GRIA4: variants seen among roughly 807,000 people sequenced by gnomAD.
GRIA4 encodes glutamate receptor 4.
GRIA4 carries 34 observed loss-of-function variants against 104.0 expected under a neutral mutation model. That is an observed-to-expected ratio of 0.33 (90% confidence interval 0.25 to 0.44). The LOEUF (loss-of-function observed/expected upper bound fraction) is 0.44. Ranked by LOEUF, GRIA4 falls within the 20% of genes least tolerant of loss-of-function variation. GRIA4 has a pLI of 1.00. For missense variants in GRIA4, 750 were observed against 1,096.5 expected, an observed-to-expected ratio of 0.68 and a Z score of 4.46; for synonymous variants, 386 against 381.9, an observed-to-expected ratio of 1.01 and a Z score of -0.13.
intron 4 of GRIA4, among the ~76,000 whole-genome samples, chr11:105,813,622 G>T (rs1943261786): frequency 6.6e-6 from 1 of 152,080 alleles, no homozygotes; most frequent in South Asian, 2.1e-4. Context: ...AAGAAATAAG[G>T]CTTTGAATAA....
At chr11:105,977,735 T>C (rs1255874836) in intron 16 of GRIA4, among the ~76,000 whole-genome samples, 4 of 152,072 alleles carry the variant, frequency 2.6e-5, no homozygotes, top group African/African-American at 9.6e-5. Flanking sequence ...CCTGCTTTGC[T>C]AATACTTCTT....
At chr11:105,797,236 G>C (rs1444811779) in intron 4 of GRIA4, among the ~76,000 whole-genome samples, 1 of 151,610 alleles carries the variant, frequency 6.6e-6, no homozygotes, top group South Asian at 2.1e-4. Context: ...TAAAACAAAT[G>C]AAAAGAAAGA....
intron 4 of GRIA4, among the ~76,000 whole-genome samples, chr11:105,782,276 T>C (rs1280912180): frequency 1.3e-5 from 2 of 152,224 alleles, no homozygotes; most frequent in Admixed American, 6.5e-5. Flanking sequence ...TTCTGAGTAA[T>C]GTGCAACCTA....
At position 105,933,900 on chromosome 11, in the gene GRIA4, C is replaced by T. The variant is rs879555209; in HGVS notation, c.2225C>T (p.Thr742Met). The change falls in exon 14 of 17, where the codon ACG becomes ATG. Residue 742 changes from threonine (T) to methionine (M), a missense_variant. By Grantham distance (81) the Thr-to-Met change is moderately conservative. Transcript: ENST00000282499. ...EYIEQRKPCD[T>M]MKVGGNLDSK... is the part of the protein sequence containing the mutation. Reference sequence around the variant, plus strand: ...ATTGAGCAGCGAAAGCCATGTGACACGATGAAAGTGGGAGGAAATCTGGAT... The same window carrying T: ...ATTGAGCAGCGAAAGCCATGTGACATGATGAAAGTGGGAGGAAATCTGGAT... 8.1e-6 allele frequency: 13 copies of T among 1,612,942 alleles called. No homozygotes were observed. The highest frequency in any genetic ancestry group is 1.0e-5 in the Non-Finnish European group (12 of 1,179,212).
intron 4 of GRIA4, among the ~76,000 whole-genome samples, chr11:105,833,176 T>C (rs1479671066): frequency 1.3e-5 from 2 of 151,964 alleles, no homozygotes; most frequent in Non-Finnish European, 2.9e-5. Flanking sequence ...CAACAGATCT[T>C]TACTGGATGC....
chr11:105,740,621 A>G (rs1053032099), intron 3 of GRIA4, among the ~76,000 whole-genome samples: 6 of 152,344 alleles, frequency 3.9e-5, no homozygotes, highest in African/African-American at 1.2e-4. Context: ...GGTAAGAGCT[A>G]TGAAGAAAAT....
intron 3 of GRIA4, among the ~76,000 whole-genome samples, chr11:105,614,908 C>G (rs931578036): frequency 5.9e-5 from 9 of 151,994 alleles, no homozygotes; most frequent in Admixed American, 5.9e-4. Flanking sequence ...CCTCATTTAT[C>G]AAGCTCTATG....
At chr11:105,760,981 C>T (rs1940608631) in intron 4 of GRIA4, among the ~76,000 whole-genome samples, 1 of 152,138 alleles carries the variant, frequency 6.6e-6, no homozygotes, top group South Asian at 2.1e-4. Flanking sequence ...AAATACAGTG[C>T]AAGACCTATG....
intron 4 of GRIA4, among the ~76,000 whole-genome samples, chr11:105,778,659 C>CA (rs1259889303): frequency 6.6e-6 from 1 of 152,098 alleles, no homozygotes; most frequent in African/African-American, 2.4e-5. Context: ...GAGCTGAGAT[C>CA]AGGCCACTGC....
At chr11:105,967,656 G>C (rs1858455677) in intron 14 of GRIA4, among the ~76,000 whole-genome samples, 1 of 147,790 alleles carries the variant, frequency 6.8e-6, no homozygotes, top group African/African-American at 2.5e-5. Flanking sequence ...CTCCCAAAAT[G>C]AAATACATTA....
At chr11:105,845,974 T>C (rs1944579698) in intron 4 of GRIA4, among the ~76,000 whole-genome samples, 1 of 152,146 alleles carries the variant, frequency 6.6e-6, no homozygotes, top group African/African-American at 2.4e-5. Context: ...CTTAACAGAG[T>C]ACAGAGTAAA....
intron 3 of GRIA4, chr11:105,614,174 T>A (rs1950543633): frequency 6.6e-6 from 1 of 151,670 alleles, no homozygotes; most frequent in Non-Finnish European, 1.5e-5. Flanking sequence ...ATAGTAATTA[T>A]TTTAACATAT....
chr11:105,812,997 G>A (rs1021179329), intron 4 of GRIA4, among the ~76,000 whole-genome samples: 6 of 151,102 alleles, frequency 4.0e-5, no homozygotes, highest in African/African-American at 1.5e-4. Flanking sequence ...GGGAGGCTGA[G>A]GCAGGAAAAT....
At position 105,944,071 on chromosome 11, in the gene GRIA4, G is replaced by A. The variant is rs112639107; in HGVS notation, c.2294+10102G>A. Among the ~76,000 whole-genome samples, 328 of 152,182 alleles carry A rather than the reference G, an allele frequency of 2.2e-3. 2 individuals carry two copies. Among genetic ancestry groups the A allele is most frequent in the African/African-American group, 7.6e-3 (317 of 41,524 alleles). On this transcript the variant is annotated intron_variant, in intron 14 of 16. Coordinates refer to ENST00000282499, the MANE Select transcript of GRIA4 (RefSeq NM_000829.4). ...TATTTATATCATCCAACTTTACAACGATTAAAGTTCACAGGATAAATCTAA... is the reference window on the plus strand; with the variant it reads ...TATTTATATCATCCAACTTTACAACAATTAAAGTTCACAGGATAAATCTAA...
intron 14 of GRIA4, among the ~76,000 whole-genome samples, chr11:105,935,850 G>A (rs1304453448): frequency 6.6e-6 from 1 of 152,066 alleles, no homozygotes; most frequent in Non-Finnish European, 1.5e-5. Context: ...GATTGTTTGG[G>A]GAAAAGCTGA....
intron 3 of GRIA4, among the ~76,000 whole-genome samples, chr11:105,688,308 C>A (rs1952965203): frequency 6.6e-6 from 1 of 152,094 alleles, no homozygotes; most frequent in African/African-American, 2.4e-5. Flanking sequence ...CCTGTAATCC[C>A]AGCACTTTGG....
chr11:105,812,173 C>T (rs1203767202), intron 4 of GRIA4, among the ~76,000 whole-genome samples: 1 of 152,182 alleles, frequency 6.6e-6, no homozygotes, highest in Non-Finnish European at 1.5e-5. Context: ...CCTTTGAGTT[C>T]CTTCAGGGAG....
intron 3 of GRIA4, among the ~76,000 whole-genome samples, chr11:105,633,543 G>A (rs1951093498): frequency 6.6e-6 from 1 of 152,152 alleles, no homozygotes; most frequent in Non-Finnish European, 1.5e-5. Context: ...TGAATCTGCA[G>A]ATCAAGTGTA....
chr11:105,651,117 A>G (rs1436689714), intron 3 of GRIA4, among the ~76,000 whole-genome samples: 1 of 152,190 alleles, frequency 6.6e-6, no homozygotes, highest in African/African-American at 2.4e-5. Context: ...ATTAAATACA[A>G]GTGAAATCTA....
Sources: allele counts gnomAD v4.1 joint callset (sites outside exome capture counted in the v4.1 genomes callset), GRCh38; gene constraint gnomAD v4.1.1; transcripts MANE v1.5; gene names NCBI Gene and HGNC (gene_info 2026-07-23, HGNC 2026-07-21).